PAK3: variants seen among roughly 807,000 people sequenced by gnomAD.
PAK3 encodes the protein p21 (RAC1) activated kinase 3.
Under a neutral mutation model 41.0 loss-of-function variants are expected in PAK3, and 4 were observed. The ratio of observed to expected loss-of-function variants is 0.10; its 90% confidence interval spans 0.05 to 0.22. The LOEUF (loss-of-function observed/expected upper bound fraction) is 0.22. PAK3 is among the 10% of genes least tolerant of loss of function. The pLI, the probability that PAK3 is intolerant of heterozygous loss-of-function variation, is 1.00. For synonymous variants in PAK3, 146 were observed against 139.6 expected (o/e 1.05, Z -0.32); for missense variants, 205 against 409.9 (o/e 0.50, Z 4.32).
chrX:110,980,014 T>G (rs777103166), intron 1 of PAK3, among the ~76,000 whole-genome samples: 5 of 112,042 alleles, frequency 4.5e-5, no homozygotes, highest in Non-Finnish European at 9.4e-5. Context: ...GATTGTCTGC[T>G]AACAGTCACA....
At chrX:111,207,699 C>T (rs750005949) in intron 16 of PAK3, among the ~76,000 whole-genome samples, 6 of 112,146 alleles carry the variant, frequency 5.4e-5, no homozygotes, top group South Asian at 7.5e-4. Context: ...TCCAGTTGGA[C>T]AAGATATAGA....
intron 16 of PAK3, among the ~76,000 whole-genome samples, chrX:111,211,688 A>AAAAG: frequency 9.1e-6 from 1 of 109,344 alleles, no homozygotes; most frequent in African/African-American, 3.3e-5. Context: ...AAAAAAAAAA[A>AAAAG]AAAGAAAGAA....
chrX:111,109,771 T>C (rs1313261344), intron 4 of PAK3, among the ~76,000 whole-genome samples: 1 of 112,237 alleles, frequency 8.9e-6, no homozygotes, highest in South Asian at 3.7e-4. Flanking sequence ...TCTGCTCATT[T>C]TCAGGCTTTC....
In PAK3 at chrX:110,981,542, AGTGTGT is replaced by A. The variant is rs3033534; in HGVS notation, c.-28+36937_-28+36942del. On this transcript the variant is annotated intron_variant, in intron 1 of 14. Coordinates refer to the PAK3 transcript ENST00000425146. ...TACTCTCAAATGATTGAGAAAAAAT[AGTGTGT>A]GTGTGTGTGTGTGTGTGTGTGTACA... Among the ~76,000 whole-genome samples, 632 of 102,972 alleles carry A rather than the reference AGTGTGT, an allele frequency of 6.1e-3. 5 individuals are homozygous for A. The highest frequency in any genetic ancestry group is 0.024 in the South Asian group (52 of 2,138). 89.4% of individuals were successfully genotyped at this position (102,972 alleles called of 115,157 possible).
At chrX:111,028,936 C>A (rs2092307893) in intron 1 of PAK3, among the ~76,000 whole-genome samples, 1 of 110,043 alleles carries the variant, frequency 9.1e-6, no homozygotes, top group African/African-American at 3.3e-5. Flanking sequence ...AGTTCAAGAC[C>A]AGCCTGGAAA....
chrX:111,063,758 G>A (rs756753072), intron 1 of PAK3, among the ~76,000 whole-genome samples: 2 of 108,692 alleles, frequency 1.8e-5, no homozygotes, highest in African/African-American at 6.8e-5. Flanking sequence ...CCCTATAGGA[G>A]AAGGTTACAG....
chrX:111,072,803 G>A (rs1051569807), intron 1 of PAK3, among the ~76,000 whole-genome samples: 2 of 112,091 alleles, frequency 1.8e-5, no homozygotes, highest in Non-Finnish European at 3.8e-5. Flanking sequence ...CTAGGGTGGT[G>A]GGAGTGGGTT....
At chrX:111,183,840 G>C (rs982668604) in intron 11 of PAK3, among the ~76,000 whole-genome samples, 1 of 111,749 alleles carries the variant, frequency 8.9e-6, no homozygotes, top group Non-Finnish European at 1.9e-5. Context: ...GTCAGGGAGA[G>C]ACTGTTGACA....
intron 8 of PAK3, among the ~76,000 whole-genome samples, chrX:111,155,513 A>T (rs2094094630): frequency 9.1e-6 from 1 of 109,491 alleles, no homozygotes; most frequent in Admixed American, 9.8e-5. Context: ...AAAAAAAAAA[A>T]AACCCAACAA....
intron 1 of PAK3, among the ~76,000 whole-genome samples, chrX:110,997,797 T>A (rs1437308770): frequency 9.0e-6 from 1 of 110,997 alleles, no homozygotes; most frequent in East Asian, 2.9e-4. Flanking sequence ...TGGGAGGTGA[T>A]TAGGTCATCA....
intron 6 of PAK3, chrX:111,144,799 G>A: frequency 1.6e-6 from 1 of 623,482 alleles, no homozygotes; most frequent in Non-Finnish European, 2.5e-6. Context: ...TGAGATTTTT[G>A]GTATTCAATG....
chrX:110,974,643 CAG>C (rs1376985680), intron 1 of PAK3, among the ~76,000 whole-genome samples: 2 of 111,555 alleles, frequency 1.8e-5, no homozygotes, highest in Admixed American at 1.9e-4. Context: ...CAAAGCCTGG[CAG>C]AGACACAACA....
chrX:110,967,207 C>T (rs1225447271), intron 1 of PAK3, among the ~76,000 whole-genome samples: 4 of 112,813 alleles, frequency 3.5e-5, no homozygotes, highest in African/African-American at 3.2e-5. Context: ...GCCATAGGGG[C>T]AAAAACCAGA....
intron 1 of PAK3, among the ~76,000 whole-genome samples, chrX:110,979,406 C>T (rs1308644049): frequency 9.8e-6 from 1 of 102,076 alleles, no homozygotes. Flanking sequence ...TCATGCCATT[C>T]TTCTGCCTCA....
At chrX:111,037,202 C>T (rs1177368740) in intron 1 of PAK3, among the ~76,000 whole-genome samples, 3 of 112,006 alleles carry the variant, frequency 2.7e-5, no homozygotes, top group Non-Finnish European at 5.6e-5. Context: ...ACCTCAGCCT[C>T]TCAAAGTGCT....
At chrX:111,074,530 G>A (rs1237062235) in intron 1 of PAK3, among the ~76,000 whole-genome samples, 3 of 111,768 alleles carry the variant, frequency 2.7e-5, no homozygotes, top group African/African-American at 3.3e-5. Context: ...TGCTTTACAG[G>A]CTGCAGAACC....
intron 1 of PAK3, among the ~76,000 whole-genome samples, chrX:110,976,277 A>T (rs914530476): frequency 7.2e-5 from 8 of 111,803 alleles, no homozygotes; most frequent in Non-Finnish European, 1.3e-4. Flanking sequence ...AAAACAAACA[A>T]CCCCATCAAA....
At chrX:111,100,239 G>A (rs930520002) in intron 3 of PAK3, among the ~76,000 whole-genome samples, 25 of 110,933 alleles carry the variant, frequency 2.3e-4, no homozygotes, top group Middle Eastern at 4.7e-3. Flanking sequence ...GTGAAGGAAG[G>A]GCCTGGCTTA....
chrX:110,996,629 G>GCTCT (rs931123976), intron 1 of PAK3, among the ~76,000 whole-genome samples: 57 of 107,774 alleles, frequency 5.3e-4, no homozygotes, highest in Non-Finnish European at 9.1e-4. Flanking sequence ...CAAAGAGCCT[G>GCTCT]CTCTCTCTCT....
Sources: allele counts gnomAD v4.1 joint callset (sites outside exome capture counted in the v4.1 genomes callset), GRCh38; gene constraint gnomAD v4.1.1; transcripts MANE v1.5; gene names NCBI Gene and HGNC (gene_info 2026-07-23, HGNC 2026-07-21).